SAMMSON: variants seen among roughly 807,000 people sequenced by gnomAD.
SAMMSON encodes survival associated mitochondrial melanoma specific oncogenic non-coding RNA, also known as long intergenic non-protein coding RNA 1212.
chr3:70,297,244 G>A (rs1255656476), intron 7 of SAMMSON, among the ~76,000 whole-genome samples: 1 of 152,036 alleles, frequency 6.6e-6, no homozygotes, highest in Non-Finnish European at 1.5e-5. Flanking sequence ...ATTGTAAAAT[G>A]AGTCCTTACA....
chr3:70,375,238 C>T (rs1211834466), intron 9 of SAMMSON, among the ~76,000 whole-genome samples: 1 of 152,078 alleles, frequency 6.6e-6, no homozygotes, highest in African/African-American at 2.4e-5. Flanking sequence ...TAAATTATTG[C>T]ATTTATGCTT....
At chr3:70,244,376 G>A (rs1701687100) in intron 4 of SAMMSON, among the ~76,000 whole-genome samples, 1 of 152,130 alleles carries the variant, frequency 6.6e-6, no homozygotes, top group South Asian at 2.1e-4. Context: ...ATATTTAATG[G>A]CAGTCTTATG....
chr3:70,103,952 TAA>T (rs1188988552), intron 4 of SAMMSON, among the ~76,000 whole-genome samples: 3 of 151,798 alleles, frequency 2.0e-5, no homozygotes, highest in Non-Finnish European at 4.4e-5. Flanking sequence ...TGCATGAAAA[TAA>T]AGTCTCCAAG....
chr3:70,001,212 A>G (rs937262230), intron 1 of SAMMSON, among the ~76,000 whole-genome samples: 2 of 152,104 alleles, frequency 1.3e-5, no homozygotes, highest in Non-Finnish European at 2.9e-5. Flanking sequence ...TTTTAATTGC[A>G]TAAAAACTTC....
At chr3:70,015,898 G>A (rs56752386) in intron 3 of SAMMSON, among the ~76,000 whole-genome samples, 75,261 of 151,952 alleles carry the variant, frequency 0.5, 20,913 homozygotes, top group African/African-American at 0.74. Context: ...TGAACTCATC[G>A]TTTTTTATGG....
chr3:70,358,848 G>C (rs942583164), intron 9 of SAMMSON, among the ~76,000 whole-genome samples: 3 of 152,132 alleles, frequency 2.0e-5, no homozygotes, highest in Admixed American at 1.3e-4. Flanking sequence ...TAATGTAAAA[G>C]AAGCCAAAGT....
intron 4 of SAMMSON, chr3:70,206,774 A>T (rs1701295324): frequency 5.0e-6 from 2 of 397,592 alleles, no homozygotes. Flanking sequence ...CATGCTTTGC[A>T]TTCGTGAGTT....
chr3:70,363,059 G>T (rs868094504), intron 9 of SAMMSON, among the ~76,000 whole-genome samples: 1 of 151,624 alleles, frequency 6.6e-6, no homozygotes, highest in Non-Finnish European at 1.5e-5. Context: ...AGACAAAGGG[G>T]AATGAAAAAA....
intron 7 of SAMMSON, among the ~76,000 whole-genome samples, chr3:70,318,269 T>C (rs1441910661): frequency 1.3e-5 from 2 of 152,058 alleles, no homozygotes; most frequent in Non-Finnish European, 2.9e-5. Flanking sequence ...GACCACTTGA[T>C]ATTTTTACAC....
intron 9 of SAMMSON, among the ~76,000 whole-genome samples, chr3:70,388,959 C>A (rs1204508791): frequency 6.6e-6 from 1 of 152,036 alleles, no homozygotes; most frequent in African/African-American, 2.4e-5. Context: ...TTAATGCCAT[C>A]CCTTGGGGTG....
At chr3:70,249,847 A>C (rs9863178) in intron 6 of SAMMSON, among the ~76,000 whole-genome samples, 1 of 152,170 alleles carries the variant, frequency 6.6e-6, no homozygotes, top group Non-Finnish European at 1.5e-5. Context: ...ATAAAATAAG[A>C]TGCTGAAATT....
intron 3 of SAMMSON, among the ~76,000 whole-genome samples, chr3:70,051,586 A>T (rs1436376013): frequency 6.6e-6 from 1 of 151,580 alleles, no homozygotes; most frequent in Non-Finnish European, 1.5e-5. Context: ...ACACACGAAG[A>T]TGGGATCTAT....
At chr3:70,192,074 G>A (rs1179140921) in intron 4 of SAMMSON, among the ~76,000 whole-genome samples, 2 of 152,016 alleles carry the variant, frequency 1.3e-5, no homozygotes, top group Non-Finnish European at 2.9e-5. Flanking sequence ...TATATACTAA[G>A]AGTGTAAGGT....
intron 4 of SAMMSON, among the ~76,000 whole-genome samples, chr3:70,153,630 A>G (rs1428397837): frequency 2.0e-5 from 3 of 152,022 alleles, no homozygotes; most frequent in Non-Finnish European, 4.4e-5. Context: ...ATTTAACTAC[A>G]CCTAAACTAT....
In SAMMSON at chr3:70,366,492, G is replaced by GTTTTTT; in HGVS notation, n.913+8179_913+8184dup. On this transcript the variant is annotated intron_variant and non_coding_transcript_variant, in intron 9 of 9. Coordinates refer to ENST00000642114, the Ensembl canonical transcript of SAMMSON. The stretch of plus-strand genomic sequence containing the variant: ...TGTTTTGTTTCGTTTGTGTTTTTAT[G>GTTTTTT]TTTTTTTTTTTTTTTTGCCTAATAG... Among the ~76,000 whole-genome samples, 129 of 100,762 alleles carry GTTTTTT rather than the reference G, an allele frequency of 1.3e-3. 1 individual carries two copies. Among genetic ancestry groups the GTTTTTT allele is most frequent in the Non-Finnish European group, 2.0e-3 (98 of 48,650 alleles). 66.1% of individuals were successfully genotyped at this position (100,762 alleles called of 152,430 possible).
At chr3:70,364,215 C>G (rs1048214996) in intron 9 of SAMMSON, among the ~76,000 whole-genome samples, 1 of 151,522 alleles carries the variant, frequency 6.6e-6, no homozygotes, top group African/African-American at 2.4e-5. Flanking sequence ...CCCCAATTAT[C>G]TGTTAGGAGA....
chr3:70,401,131 G>C (rs532076648), intron 2 of SAMMSON, among the ~76,000 whole-genome samples: 3 of 151,832 alleles, frequency 2.0e-5, no homozygotes, highest in South Asian at 2.1e-4. Flanking sequence ...ATTCTTGTTT[G>C]CACTAGTAAT....
At chr3:70,236,127 T>G (rs796249618) in intron 4 of SAMMSON, among the ~76,000 whole-genome samples, 2 of 152,320 alleles carry the variant, frequency 1.3e-5, no homozygotes, top group South Asian at 4.1e-4. Context: ...TATTCTCTAA[T>G]GACCTGTTGA....
chr3:70,169,116 C>T (rs2067650673), intron 4 of SAMMSON, among the ~76,000 whole-genome samples: 1 of 151,964 alleles, frequency 6.6e-6, no homozygotes, highest in African/African-American at 2.4e-5. Flanking sequence ...AGTGGTTTTG[C>T]ACACATGTGT....
Sources: allele counts gnomAD v4.1 joint callset (sites outside exome capture counted in the v4.1 genomes callset), GRCh38; gene constraint gnomAD v4.1.1; transcripts MANE v1.5; gene names NCBI Gene and HGNC (gene_info 2026-07-23, HGNC 2026-07-21).